The following RBFOX1 variants were observed in gnomAD, a reference collection of about 807,000 sequenced individuals.
RBFOX1 encodes the protein RNA binding fox-1 homolog 1.
RBFOX1 carries 8 observed loss-of-function variants against 57.7 expected under a neutral mutation model. The ratio of observed to expected loss-of-function variants is 0.14; its 90% CI spans 0.08 to 0.25. The LOEUF (loss-of-function observed/expected upper bound fraction) is 0.25. RBFOX1 is among the 10% of genes least tolerant of loss of function. The probability of loss-of-function intolerance (pLI) is 1.00; values close to 1 mark genes in which losing one functional copy is unlikely to be tolerated. For missense variants in RBFOX1, 611 were observed against 548.5 expected, an observed-to-expected ratio of 1.11 and a Z score of -1.14; for synonymous variants, 326 against 222.4, an observed-to-expected ratio of 1.47 and a Z score of -4.15.
In RBFOX1 at chr16:6,590,812, T is replaced by C. The variant is rs967769276; in HGVS notation, c.-63-63791T>C. 4.7e-5 allele frequency among the ~76,000 whole-genome samples: 7 copies of C among 149,652 alleles called. No individual in the cohort carries two copies. In the East Asian group the frequency reaches 6.0e-4, roughly 13 times the overall value. On this transcript the variant is annotated intron_variant, in intron 2 of 15. Coordinates refer to ENST00000550418, the MANE Select transcript of RBFOX1 (RefSeq NM_018723.4). Reference sequence around the variant, plus strand: ...GGAGAATATTTTGTTTCATAATACATGGACAGCTCTGTCATATTGGCAAGT... The same window carrying C: ...GGAGAATATTTTGTTTCATAATACACGGACAGCTCTGTCATATTGGCAAGT...
intron 1 of RBFOX1, among the ~76,000 whole-genome samples, chr16:6,157,533 C>G (rs890317855): frequency 1.3e-5 from 2 of 152,084 alleles, no homozygotes; most frequent in Admixed American, 6.6e-5. Flanking sequence ...GGACTACATG[C>G]TTTTTATCAT....
intron 1 of RBFOX1, among the ~76,000 whole-genome samples, chr16:5,291,096 A>G (rs1261310630): frequency 2.6e-5 from 4 of 152,304 alleles, no homozygotes; most frequent in Non-Finnish European, 1.5e-5. Context: ...GGGCTAGGTC[A>G]TGTAGGGTCT....
chr16:5,834,927 G>C (rs564521173), intron 3 of RBFOX1, among the ~76,000 whole-genome samples: 3 of 152,146 alleles, frequency 2.0e-5, no homozygotes, highest in Admixed American at 6.5e-5. Flanking sequence ...CCTGCATAGC[G>C]TTTTCCACAG....
chr16:7,270,890 T>C (rs1263793072), intron 4 of RBFOX1, among the ~76,000 whole-genome samples: 1 of 152,198 alleles, frequency 6.6e-6, no homozygotes, highest in South Asian at 2.1e-4. Flanking sequence ...GAAAATCCTT[T>C]CTGTCATGGA....
At chr16:6,261,634 C>G (rs894273599) in intron 1 of RBFOX1, among the ~76,000 whole-genome samples, 6 of 129,670 alleles carry the variant, frequency 4.6e-5, no homozygotes, top group Admixed American at 1.7e-4. Flanking sequence ...GTTTTCTTTG[C>G]CCATTGGATC....
intron 3 of RBFOX1, among the ~76,000 whole-genome samples, chr16:6,899,558 C>T (rs916477420): frequency 6.6e-6 from 1 of 152,198 alleles, no homozygotes; most frequent in African/African-American, 2.4e-5. Flanking sequence ...TAGATTACAA[C>T]TCCATCTCTC....
intron 9 of RBFOX1, among the ~76,000 whole-genome samples, chr16:7,602,415 C>A (rs1183271235): frequency 6.6e-6 from 1 of 152,130 alleles, no homozygotes; most frequent in Non-Finnish European, 1.5e-5. Flanking sequence ...GACCAGTGGG[C>A]CTTATCAGCC....
intron 4 of RBFOX1, among the ~76,000 whole-genome samples, chr16:5,960,807 T>C (rs540123483): frequency 6.6e-6 from 1 of 152,326 alleles, no homozygotes; most frequent in African/African-American, 2.4e-5. Context: ...TTATGCAGAA[T>C]TGAAGCCAAG....
chr16:7,168,024 A>G (rs979224928), intron 4 of RBFOX1, among the ~76,000 whole-genome samples: 2 of 152,176 alleles, frequency 1.3e-5, no homozygotes, highest in African/African-American at 4.8e-5. Flanking sequence ...TTCAATTTTT[A>G]TGAAGCAGGT....
chr16:6,430,946 C>T (rs1322966345), intron 2 of RBFOX1, among the ~76,000 whole-genome samples: 1 of 125,056 alleles, frequency 8.0e-6, no homozygotes, highest in African/African-American at 3.0e-5. Flanking sequence ...GCATGGGCAA[C>T]ATAGTGAGTC....
chr16:6,884,455 A>G (rs1189787803), intron 3 of RBFOX1, among the ~76,000 whole-genome samples: 1 of 152,184 alleles, frequency 6.6e-6, no homozygotes, highest in Non-Finnish European at 1.5e-5. Context: ...ATCGTACTGT[A>G]TTCTTATTAT....
At chr16:5,341,376 GGCCCAATT>G (rs1413048714) in intron 1 of RBFOX1, among the ~76,000 whole-genome samples, 1 of 152,162 alleles carries the variant, frequency 6.6e-6, no homozygotes, top group African/African-American at 2.4e-5. Flanking sequence ...GAATCCATCT[GGCCCAATT>G]ATACTAGTCC....
intron 3 of RBFOX1, among the ~76,000 whole-genome samples, chr16:6,855,845 C>G (rs67443972): frequency 0.016 from 1,849 of 114,754 alleles, 49 homozygotes; most frequent in African/African-American, 0.052. Flanking sequence ...TTCCCTCCCT[C>G]TTTCCCTCCC....
intron 3 of RBFOX1, among the ~76,000 whole-genome samples, chr16:6,658,928 G>GTTTTTTTGTTTTTTTGTTTTTTT (rs1555662285): frequency 6.9e-5 from 6 of 87,562 alleles, no homozygotes; most frequent in South Asian, 3.3e-4. Context: ...TTGTTTTTTG[G>GTTTTTTTGTTTTTTTGTTTTTTT]TTTTTTTGTT....
intron 2 of RBFOX1, among the ~76,000 whole-genome samples, chr16:6,537,726 G>T (rs907683661): frequency 2.6e-5 from 4 of 152,124 alleles, no homozygotes; most frequent in African/African-American, 9.7e-5. Context: ...CATTCCTTAA[G>T]GTTTTATAGC....
intron 4 of RBFOX1, among the ~76,000 whole-genome samples, chr16:6,002,630 C>A (rs746765436): frequency 2.0e-5 from 3 of 152,204 alleles, no homozygotes; most frequent in Non-Finnish European, 4.4e-5. Context: ...GTCACTCTTT[C>A]TTCTCCTACC....
intron 2 of RBFOX1, among the ~76,000 whole-genome samples, chr16:6,413,707 A>G (rs890189903): frequency 1.3e-5 from 2 of 152,238 alleles, no homozygotes; most frequent in Admixed American, 6.5e-5. Context: ...TGATGTGACT[A>G]CTGGAAGAAC....
chr16:6,889,229 T>G (rs1456195250), intron 3 of RBFOX1, among the ~76,000 whole-genome samples: 2 of 152,188 alleles, frequency 1.3e-5, no homozygotes, highest in African/African-American at 4.8e-5. Context: ...TCCATGAAAG[T>G]GAGTCTTCTC....
intron 4 of RBFOX1, among the ~76,000 whole-genome samples, chr16:5,890,409 G>T (rs1374064603): frequency 2.0e-5 from 3 of 152,130 alleles, no homozygotes; most frequent in African/African-American, 7.2e-5. Context: ...CCAGAACTAA[G>T]AAGTGAAGGC....
Sources: allele counts gnomAD v4.1 joint callset (sites outside exome capture counted in the v4.1 genomes callset), GRCh38; gene constraint gnomAD v4.1.1; transcripts MANE v1.5; gene names NCBI Gene and HGNC (gene_info 2026-07-23, HGNC 2026-07-21).